ELP4: variants seen among roughly 807,000 people sequenced by gnomAD.
The protein encoded by ELP4 is elongator complex protein 4.
In ELP4, 51 loss-of-function variants were observed where a neutral mutation model predicts 48.9. The ratio of observed to expected loss-of-function variants is 1.04; its 90% confidence interval spans 0.83 to 1.32. The LOEUF is 1.32. Ranked by LOEUF, ELP4 falls within the 40% of genes most tolerant of loss-of-function variation. The pLI, the probability that ELP4 is intolerant of heterozygous loss-of-function variation, is 0.00. For missense variants in ELP4, 519 were observed against 514.6 expected (o/e 1.01, Z -0.08); for synonymous variants, 210 against 189.2 (o/e 1.11, Z -0.90).
At chr11:31,556,513 C>T (rs78754355) in intron 3 of ELP4, among the ~76,000 whole-genome samples, 2 of 151,828 alleles carry the variant, frequency 1.3e-5, no homozygotes, top group East Asian at 3.9e-4. Context: ...ATTTTTATAT[C>T]CTTTTCATAA....
intron 9 of ELP4, chr11:31,650,874 A>T (rs1353693833): frequency 1.3e-5 from 2 of 151,858 alleles, no homozygotes; most frequent in East Asian, 3.9e-4. Flanking sequence ...TCAGAGAGAG[A>T]TGGCTTTTGG....
intron 5 of ELP4, among the ~76,000 whole-genome samples, chr11:31,614,575 C>G (rs551667784): frequency 6.6e-6 from 1 of 152,220 alleles, no homozygotes; most frequent in African/African-American, 2.4e-5. Flanking sequence ...CCACAAAATA[C>G]TTATTAACTA....
At chr11:31,687,614 T>A (rs561580606) in intron 9 of ELP4, 1 of 152,080 alleles carries the variant, frequency 6.6e-6, no homozygotes, top group Non-Finnish European at 1.5e-5. Flanking sequence ...AAAAAGTGAA[T>A]GGGAGGTAAG....
intron 4 of ELP4, among the ~76,000 whole-genome samples, chr11:31,602,424 GA>G (rs1957800847): frequency 6.6e-6 from 1 of 151,476 alleles, no homozygotes; most frequent in South Asian, 2.1e-4. Context: ...TATGTTTTGG[GA>G]ACAAGAATTC....
intron 3 of ELP4, among the ~76,000 whole-genome samples, chr11:31,581,334 TTGTC>T (rs1307587168): frequency 4.6e-5 from 7 of 152,198 alleles, no homozygotes; most frequent in Non-Finnish European, 1.0e-4. Flanking sequence ...GTGCTATACA[TTGTC>T]TAATAACTTG....
chr11:31,676,975 A>C (rs1473077042), intron 9 of ELP4, among the ~76,000 whole-genome samples: 1 of 152,206 alleles, frequency 6.6e-6, no homozygotes, highest in Admixed American at 6.5e-5. Context: ...ATTTTCTATT[A>C]TATGTTCAAA....
chr11:31,670,995 T>C (rs1035470535), intron 9 of ELP4, among the ~76,000 whole-genome samples: 5 of 152,102 alleles, frequency 3.3e-5, no homozygotes, highest in Non-Finnish European at 7.4e-5. Flanking sequence ...TTAGTTATTT[T>C]GTGTAATGCT....
chr11:31,733,797 T>C (rs943371635), intron 9 of ELP4, among the ~76,000 whole-genome samples: 1 of 152,162 alleles, frequency 6.6e-6, no homozygotes, highest in Non-Finnish European at 1.5e-5. Flanking sequence ...TAAAAAAGAA[T>C]TAATGCCAAT....
At chr11:31,559,037 C>T (rs772359108) in intron 3 of ELP4, among the ~76,000 whole-genome samples, 33 of 152,112 alleles carry the variant, frequency 2.2e-4, no homozygotes, top group Admixed American at 3.9e-4. Context: ...TACATTTTGT[C>T]AGCTCCCCAA....
intron 9 of ELP4, among the ~76,000 whole-genome samples, chr11:31,746,296 T>C (rs1947588880): frequency 6.6e-6 from 1 of 152,206 alleles, no homozygotes; most frequent in Non-Finnish European, 1.5e-5. Flanking sequence ...GGTGGGACTG[T>C]AAACTAGTTC....
chr11:31,679,622 A>G (rs1259503479), intron 9 of ELP4, among the ~76,000 whole-genome samples: 2 of 152,098 alleles, frequency 1.3e-5, no homozygotes, highest in African/African-American at 4.8e-5. Context: ...CTCCTCAAAG[A>G]CCTCATACCC....
At chr11:31,551,991 C>G (rs1162105770) in intron 3 of ELP4, among the ~76,000 whole-genome samples, 3 of 152,048 alleles carry the variant, frequency 2.0e-5, no homozygotes, top group Non-Finnish European at 4.4e-5. Context: ...GTTTCCCTAG[C>G]AATTCTGATG....
intron 7 of ELP4, chr11:31,633,600 TTTCTC>T (rs1324858280): frequency 6.6e-5 from 10 of 152,150 alleles, no homozygotes; most frequent in African/African-American, 1.9e-4. Context: ...AGGAAACTCT[TTTCTC>T]TAATCATGCT....
intron 9 of ELP4, 167 bp downstream of exon 9, chr11:31,650,388 T>C (rs1023254209): frequency 4.8e-6 from 2 of 420,458 alleles, no homozygotes; most frequent in Admixed American, 8.4e-5. Flanking sequence ...AATAATTTTT[T>C]AGACTATTGT....
At chr11:31,763,439 A>T in intron 9 of ELP4, 1 of 1,609,198 alleles carries the variant, frequency 6.2e-7, no homozygotes, top group Non-Finnish European at 8.5e-7. Context: ...TTGAGACAAG[A>T]GAGGAACATT....
chr11:31,544,859 C>T (rs1327058802), intron 3 of ELP4, among the ~76,000 whole-genome samples: 1 of 152,190 alleles, frequency 6.6e-6, no homozygotes, highest in Non-Finnish European at 1.5e-5. Context: ...AACCACTGTT[C>T]TGCAGCCACT....
chr11:31,662,568 T>A (rs1020478036), intron 9 of ELP4: 9 of 397,858 alleles, frequency 2.3e-5, no homozygotes, highest in Admixed American at 8.8e-5. Context: ...AAGGCAAAGA[T>A]ATTTTCTGTC....
chr11:31,639,479 A>T (rs910266953), intron 7 of ELP4, among the ~76,000 whole-genome samples: 7 of 151,764 alleles, frequency 4.6e-5, no homozygotes, highest in Non-Finnish European at 8.8e-5. Flanking sequence ...CTTGTTTCAG[A>T]CTACACATGC....
intron 9 of ELP4, among the ~76,000 whole-genome samples, chr11:31,667,606 T>C (rs926148180): frequency 2.0e-5 from 3 of 152,264 alleles, no homozygotes; most frequent in African/African-American, 7.2e-5. Context: ...GGTAACACCA[T>C]CTAAAATAAG....
Sources: allele counts gnomAD v4.1 joint callset (sites outside exome capture counted in the v4.1 genomes callset), GRCh38; gene constraint gnomAD v4.1.1; transcripts MANE v1.5; gene names NCBI Gene and HGNC (gene_info 2026-07-23, HGNC 2026-07-21).